CDH4: variants seen among roughly 807,000 people sequenced by gnomAD.
CDH4 encodes the protein cadherin-4.
CDH4 carries 33 observed loss-of-function variants against 86.0 expected under a neutral mutation model. The ratio of observed to expected loss-of-function variants is 0.38; its 90% confidence interval spans 0.29 to 0.51. The LOEUF is 0.51. Ranked by LOEUF, CDH4 falls within the 20% of genes least tolerant of loss-of-function variation. CDH4 has a pLI of 0.86. For synonymous variants in CDH4, 555 were observed against 549.4 expected (o/e 1.01, Z -0.14); for missense variants, 1,114 against 1,307.4 (o/e 0.85, Z 2.28).
At chr20:61,255,343 G>A (rs1024867364) in intron 2 of CDH4, among the ~76,000 whole-genome samples, 4 of 152,240 alleles carry the variant, frequency 2.6e-5, no homozygotes, top group African/African-American at 2.4e-5. Flanking sequence ...GTTCACAAAT[G>A]TGGCATTCAT....
At chr20:61,437,885 T>C (rs984292212) in intron 2 of CDH4, among the ~76,000 whole-genome samples, 1 of 152,148 alleles carries the variant, frequency 6.6e-6, no homozygotes, top group African/African-American at 2.4e-5. Context: ...GAAAGACTGG[T>C]CCTTTTCCAT....
chr20:61,794,390 T>C (rs1319927717), intron 4 of CDH4, among the ~76,000 whole-genome samples: 1 of 152,150 alleles, frequency 6.6e-6, no homozygotes, highest in Non-Finnish European at 1.5e-5. Context: ...GAACCCGTCG[T>C]TCCCCCACTT....
chr20:61,717,569 CCT>C (rs1261195156), intron 2 of CDH4: 1 of 151,814 alleles, frequency 6.6e-6, no homozygotes, highest in Non-Finnish European at 1.5e-5. Context: ...TTCACTGCAA[CCT>C]CTGCATCCTG....
intron 2 of CDH4, among the ~76,000 whole-genome samples, chr20:61,439,929 C>T (rs1406757993): frequency 6.6e-6 from 1 of 152,208 alleles, no homozygotes; most frequent in East Asian, 1.9e-4. Context: ...AATTGAATTC[C>T]CACTCTAACA....
At chr20:61,741,170 C>T (rs942697972) in intron 2 of CDH4, among the ~76,000 whole-genome samples, 32 of 152,108 alleles carry the variant, frequency 2.1e-4, no homozygotes, top group African/African-American at 7.5e-4. Context: ...GACGGCACCA[C>T]GGCACTCCAG....
At chr20:61,460,877 G>C (rs1001842539) in intron 2 of CDH4, among the ~76,000 whole-genome samples, 12 of 152,186 alleles carry the variant, frequency 7.9e-5, no homozygotes, top group African/African-American at 2.9e-4. Context: ...TGCTGTGAAT[G>C]ATATTACTGT....
At chr20:61,317,911 G>A (rs2084485749) in intron 2 of CDH4, among the ~76,000 whole-genome samples, 1 of 152,210 alleles carries the variant, frequency 6.6e-6, no homozygotes, top group African/African-American at 2.4e-5. Flanking sequence ...TGGCATTTAG[G>A]GAAAAACAGA....
chr20:61,270,726 A>T (rs1212007619), intron 2 of CDH4, among the ~76,000 whole-genome samples: 1 of 152,206 alleles, frequency 6.6e-6, no homozygotes, highest in African/African-American at 2.4e-5. Flanking sequence ...GGGCCTTTGA[A>T]ATCCATTTTG....
At chr20:61,862,638 G>A (rs1023226585) in intron 6 of CDH4, among the ~76,000 whole-genome samples, 1 of 152,210 alleles carries the variant, frequency 6.6e-6, no homozygotes. Flanking sequence ...GTCCCCCGCA[G>A]CATCAGAGAA....
intron 2 of CDH4, among the ~76,000 whole-genome samples, chr20:61,358,861 C>T (rs944065216): frequency 6.6e-6 from 1 of 152,126 alleles, no homozygotes. Flanking sequence ...TACAGGGAGC[C>T]GTCATGCGGC....
intron 8 of CDH4, among the ~76,000 whole-genome samples, chr20:61,904,254 G>C (rs1016994705): frequency 6.6e-6 from 1 of 152,184 alleles, no homozygotes; most frequent in Non-Finnish European, 1.5e-5. Flanking sequence ...CGTGCCAGGG[G>C]CTGCGGCTCT....
intron 2 of CDH4, among the ~76,000 whole-genome samples, chr20:61,471,304 A>T (rs1347021916): frequency 6.6e-6 from 1 of 151,858 alleles, no homozygotes; most frequent in Non-Finnish European, 1.5e-5. Context: ...TTTCCAACTT[A>T]TTGTCATACA....
chr20:61,284,339 T>A (rs977718332), intron 2 of CDH4, among the ~76,000 whole-genome samples: 5 of 152,086 alleles, frequency 3.3e-5, no homozygotes, highest in African/African-American at 4.8e-5. Context: ...TTAGCTTTCC[T>A]CCTTTCTTTT....
At chr20:61,453,396 G>A (rs2085390695) in intron 2 of CDH4, among the ~76,000 whole-genome samples, 1 of 152,162 alleles carries the variant, frequency 6.6e-6, no homozygotes, top group Non-Finnish European at 1.5e-5. Flanking sequence ...CGCATGTGTG[G>A]AATCCCAGCC....
chr20:61,272,407 C>T (rs1031745698), intron 2 of CDH4, among the ~76,000 whole-genome samples: 1 of 152,224 alleles, frequency 6.6e-6, no homozygotes, highest in Non-Finnish European at 1.5e-5. Flanking sequence ...ACATTATTTC[C>T]TCATTTTGAA....
At chr20:61,285,378 G>C (rs2084287905) in intron 2 of CDH4, among the ~76,000 whole-genome samples, 2 of 150,170 alleles carry the variant, frequency 1.3e-5, no homozygotes, top group South Asian at 4.1e-4. Flanking sequence ...GCCTGCTCTT[G>C]ACACTGGCCA....
chr20:61,683,432 C>G (rs898254735), intron 2 of CDH4, among the ~76,000 whole-genome samples: 3 of 152,206 alleles, frequency 2.0e-5, no homozygotes, highest in Non-Finnish European at 4.4e-5. Context: ...TTGGAGCTGT[C>G]ACGGTGTATC....
In CDH4 at chr20:61,687,635, A is replaced by G. The variant is rs150838330; in HGVS notation, c.170-55928A>G. 6.7e-3 allele frequency among the ~76,000 whole-genome samples: 1,024 copies of G among 152,374 alleles called. 5 individuals are homozygous for G. Among genetic ancestry groups the G allele is most frequent in the Non-Finnish European group, 0.012 (801 of 68,038 alleles). ...AACAGGCTAGGGTTTCCTCTCTGCT[A>G]AACAAATGCGTGTAAGTTTTTTAAA... On this transcript the variant is annotated intron_variant, in intron 2 of 15. Transcript: ENST00000614565.
At position 61,582,397 on chromosome 20, in the gene CDH4, C is replaced by G. The variant is rs1001417747; in HGVS notation, c.170-161166C>G. Among the ~76,000 whole-genome samples the G allele has an allele frequency of 3.3e-4, 51 of 152,344 alleles. No homozygotes were observed. ...CCCTGGGGCTTTCCCAGGGCCATCCCCCTGCCTGGGGCCCTGTCCGCAAGT... is the reference window on the plus strand; with the variant it reads ...CCCTGGGGCTTTCCCAGGGCCATCCGCCTGCCTGGGGCCCTGTCCGCAAGT... On this transcript the variant is annotated intron_variant, in intron 2 of 15. Coordinates refer to ENST00000614565, the MANE Select transcript of CDH4 (RefSeq NM_001794.5). The surrounding 1 kb of genome is among the most constrained non-coding windows in gnomAD (Gnocchi z 4.2).
Sources: gnomAD v4.1 joint callset for allele counts (sites outside exome capture counted in the v4.1 genomes callset) on GRCh38, gnomAD v4.1.1 for gene constraint, Gnocchi (gnomAD v3.1) non-coding constraint, MANE v1.5 for transcripts, NCBI Gene and HGNC (gene_info 2026-07-23, HGNC 2026-07-21) for gene names.